BRD9: variants seen among roughly 807,000 people sequenced by gnomAD.
BRD9 encodes the protein bromodomain-containing protein 9.
Under a neutral mutation model 68.7 loss-of-function variants are expected in BRD9, and 47 were observed. The observed-to-expected ratio is 0.68, with a 90% confidence interval of 0.54 to 0.87. BRD9 has a LOEUF of 0.87. Among genes scored for constraint, BRD9 ranks in the 40% least tolerant of loss-of-function variants. The pLI, the probability that BRD9 is intolerant of heterozygous loss-of-function variation, is 0.00. For missense variants in BRD9, 670 were observed against 748.4 expected (o/e 0.90, Z 1.22); for synonymous variants, 313 against 293.9 (o/e 1.06, Z -0.67).
Position 871,433 on chromosome 5 carries a change from G to T in BRD9, c.1422+93C>A, listed in dbSNP as rs1236901130. The T allele has an allele frequency of 2.6e-6, 3 of 1,141,680 alleles. No individual in the cohort carries two copies. In the Admixed American group the frequency reaches 5.1e-5, roughly 20 times the overall value. 70.7% of individuals were successfully genotyped at this position (1,141,680 alleles called of 1,614,324 possible). On this transcript the variant is annotated intron_variant, in intron 13 of 15. Transcript: ENST00000467963. ...GAAACGGACTCCATTTCTAAACGCCGTCATACACACAGACCTCCCCACCTC... is the reference window on the plus strand; with the variant it reads ...GAAACGGACTCCATTTCTAAACGCCTTCATACACACAGACCTCCCCACCTC...
intron 6 of BRD9, among the ~76,000 whole-genome samples, chr5:887,063 G>C (rs1168921840): frequency 2.6e-5 from 4 of 152,240 alleles, no homozygotes; most frequent in Admixed American, 6.5e-5. Context: ...TGGATTCAGT[G>C]AGGCAGTCAC....
At chr5:880,976 C>T in intron 9 of BRD9, 131 bp downstream of exon 9, 1 of 912,318 alleles carries the variant, frequency 1.1e-6, no homozygotes, top group Non-Finnish European at 1.7e-6. Flanking sequence ...GGGGTGCGAG[C>T]AAGGTCGGGA....
intron 12 of BRD9, among the ~76,000 whole-genome samples, chr5:873,528 T>C (rs1750455588): frequency 6.6e-6 from 1 of 152,200 alleles, no homozygotes; most frequent in Non-Finnish European, 1.5e-5. Context: ...CAAGCCGACA[T>C]GTAACCTCTG....
chr5:870,020 C>A (rs1298059526), intron 14 of BRD9, among the ~76,000 whole-genome samples: 1 of 152,214 alleles, frequency 6.6e-6, no homozygotes, highest in Non-Finnish European at 1.5e-5. Context: ...TGACATTTAC[C>A]CATTTATTCT....
At position 889,621 on chromosome 5, in the gene BRD9, G is replaced by A. The variant is rs370550134; in HGVS notation, c.427C>T (p.Gln143Ter). 1 of 1,613,594 alleles carries A rather than the reference G, an allele frequency of 6.2e-7. No individual in the cohort carries two copies. The highest frequency in any genetic ancestry group is 8.5e-7 in the Non-Finnish European group (1 of 1,179,736). ...PAENESTPIQ[Q>*]LLEHFLRQLQ... is the part of the protein sequence containing the mutation. The stretch of plus-strand genomic sequence containing the variant: ...TGGCGGAGGAAGTGTTCCAGGAGTT[G>A]CTGAATAGGTGTGCTCTCATTTTCG... The change falls in exon 4 of 16, where the codon CAA becomes TAA. Residue 143 changes from glutamine (Q) to a stop codon, truncating the protein, a stop_gained. Coordinates refer to ENST00000467963, the MANE Select transcript of BRD9 (RefSeq NM_023924.5). LOFTEE classifies it high-confidence loss of function.
At chr5:867,368 C>A in intron 14 of BRD9, among the ~76,000 whole-genome samples, 1 of 152,248 alleles carries the variant, frequency 6.6e-6, no homozygotes, top group East Asian at 1.9e-4. Context: ...GAGCCCTCAC[C>A]CCACACAGAG....
Position 889,151 on chromosome 5 carries a change from C to A in BRD9, c.476G>T (p.Gly159Val). The change falls in exon 5 of 16, where the codon GGA (glycine) becomes GTA (valine). Residue 159 changes from glycine (G) to valine (V), a missense_variant. Gly to Val is a moderately radical substitution (Grantham distance 109, BLOSUM62 -3). This residue lies in a region of BRD9 where 94 missense variants were observed against 157.2 expected (regional missense o/e 0.60). Transcript: ENST00000467963. ...ATCCGTGACAGGAAAAGCAAAAAAT[C>A]CATGGGGATCTTTTCTGAAAGCAAA... ...LRQLQRKDPH[G>V]FFAFPVTDAI... 1 of 1,608,062 alleles carries A rather than the reference C, an allele frequency of 6.2e-7. No individual in the cohort carries two copies. Among genetic ancestry groups the A allele is most frequent in the Non-Finnish European group, 8.5e-7 (1 of 1,178,806 alleles).
rs1442593989 is a variant in BRD9, at chr5:891,704, T to TTC, written c.202_203insGA (p.Lys68ArgfsTer109). The TTC allele has an allele frequency of 2.6e-6, 4 of 1,551,554 alleles. No homozygotes were observed. In the Admixed American group the frequency reaches 5.9e-5, roughly 23 times the overall value. ...CTTCTCGGACTTCTTCTTCTTCTTC[T>TTC]TTTTCTTTTCTTTGTGCCTCTCTCG... is the stretch of plus-strand genomic sequence containing the variant. On this transcript the variant is annotated frameshift_variant, in exon 2 of 16. Coordinates refer to ENST00000467963, the MANE Select transcript of BRD9 (RefSeq NM_023924.5). LOFTEE classifies it high-confidence loss of function.
intron 1 of BRD9, chr5:892,268 G>C (rs1753552398): frequency 2.1e-6 from 1 of 480,296 alleles, no homozygotes; most frequent in Non-Finnish European, 3.6e-6. Context: ...GGGAGCAAGG[G>C]AGAGGGAGGG....
chr5:867,487 G>A lies in BRD9; in HGVS notation c.1526-1906C>T, dbSNP rs148989320. Among the ~76,000 whole-genome samples the A allele has an allele frequency of 2.0e-4, 30 of 152,370 alleles. No individual in the cohort carries two copies. In the East Asian group the frequency reaches 4.8e-3, roughly 24 times the overall value. On this transcript the variant is annotated intron_variant, in intron 14 of 15. Coordinates refer to ENST00000467963, the MANE Select transcript of BRD9 (RefSeq NM_023924.5). ...CACCATGCCATCTGGAAAAGCTGCAGGCACTCAACACCAGCCAGGGAAAGC... is the reference window on the plus strand; with the variant it reads ...CACCATGCCATCTGGAAAAGCTGCAAGCACTCAACACCAGCCAGGGAAAGC...
chr5:889,461 G>T, intron 4 of BRD9, 126 bp downstream of exon 4: 1 of 1,048,830 alleles, frequency 9.5e-7, no homozygotes, highest in Non-Finnish European at 1.4e-6. Flanking sequence ...AAGTGGACTG[G>T]GAGTCACCAA....
At position 864,328 on chromosome 5, in the gene BRD9, C is replaced by G; in HGVS notation, c.*140G>C. ...TGGAGACTCTGCTGACATGATACCA[C>G]AGACAATTCATTACCTCCCCGCGGC... On this transcript the variant is annotated 3_prime_UTR_variant, in exon 16 of 16. Transcript: ENST00000467963. 1 of 643,254 alleles carries G rather than the reference C, an allele frequency of 1.6e-6. No homozygotes were observed. The highest frequency in any genetic ancestry group is 2.0e-5 in the South Asian group (1 of 49,422). The allele number at this position is 643,254 out of a possible 1,614,324, so 39.8% of individuals were successfully genotyped here.
intron 3 of BRD9, among the ~76,000 whole-genome samples, chr5:890,835 C>T (rs1052641648): frequency 2.6e-5 from 4 of 152,126 alleles, no homozygotes; most frequent in Non-Finnish European, 5.9e-5. Context: ...CTAGGCTTTG[C>T]GGGTCACATA....
At chr5:878,631 C>G in intron 10 of BRD9, 144 bp from the exon 11 acceptor site, 1 of 1,192,142 alleles carries the variant, frequency 8.4e-7, no homozygotes, top group Non-Finnish European at 1.2e-6. Flanking sequence ...ACAAAATTCT[C>G]ACTCCTGAGT....
intron 14 of BRD9, among the ~76,000 whole-genome samples, chr5:867,408 G>GT (rs1749524998): frequency 6.6e-6 from 1 of 152,240 alleles, no homozygotes; most frequent in Non-Finnish European, 1.5e-5. Flanking sequence ...TAGTGGAGCT[G>GT]TGAGAAAAGG....
chr5:866,578 G>C (rs1221604510), intron 14 of BRD9: 3 of 152,622 alleles, frequency 2.0e-5, no homozygotes, highest in African/African-American at 7.2e-5. Flanking sequence ...GTGAAATCCA[G>C]GCTGAGGTGG....
chr5:886,027 T>G (rs770167398), intron 7 of BRD9, among the ~76,000 whole-genome samples: 7 of 152,182 alleles, frequency 4.6e-5, no homozygotes, highest in Non-Finnish European at 1.0e-4. Flanking sequence ...GGCTGCTCCC[T>G]GTGGGAGGGA....
chr5:873,186 G>T (rs1052207554), intron 12 of BRD9, among the ~76,000 whole-genome samples: 9 of 152,086 alleles, frequency 5.9e-5, no homozygotes, highest in Non-Finnish European at 1.0e-4. Flanking sequence ...AAAAAAGAAA[G>T]AAAGTAAAGA....
chr5:892,560 G>T, intron 1 of BRD9, 46 bp downstream of exon 1: 2 of 1,529,502 alleles, frequency 1.3e-6, no homozygotes, highest in Non-Finnish European at 8.8e-7. Context: ...CCTCCCCCGT[G>T]CCCGGGACCC....
Sources: gnomAD v4.1 joint callset for allele counts (sites outside exome capture counted in the v4.1 genomes callset) on GRCh38, gnomAD v4.1.1 for gene constraint, gnomAD v4.1.1 regional missense constraint, MANE v1.5 for transcripts, NCBI Gene and HGNC (gene_info 2026-07-23, HGNC 2026-07-21) for gene names.